Variants in MAD1L1 observed in about 807,000 individuals in gnomAD.
MAD1L1 encodes mitotic spindle assembly checkpoint protein MAD1.
MAD1L1 carries 95 observed loss-of-function variants against 96.9 expected under a neutral mutation model. That is an observed-to-expected ratio of 0.98 (90% CI 0.83 to 1.16). MAD1L1 has a LOEUF of 1.16. MAD1L1 is among the 50% of genes most tolerant of loss of function. The pLI, the probability that MAD1L1 is intolerant of heterozygous loss-of-function variation, is 0.00. For synonymous variants in MAD1L1, 473 were observed against 396.6 expected, an observed-to-expected ratio of 1.19 and a Z score of -2.29; for missense variants, 1,007 against 954.4, an observed-to-expected ratio of 1.06 and a Z score of -0.73.
chr7:1,891,843 A>G (rs980225099), intron 18 of MAD1L1, among the ~76,000 whole-genome samples: 2 of 152,168 alleles, frequency 1.3e-5, no homozygotes, highest in Non-Finnish European at 2.9e-5. Flanking sequence ...AGCCTCCCCA[A>G]ATGTTAGGAT....
At position 1,870,411 on chromosome 7, in the gene MAD1L1, G is replaced by A. The variant is rs527983065; in HGVS notation, c.1998+27789C>T. Among the ~76,000 whole-genome samples, 37 of 140,536 alleles carry A rather than the reference G, an allele frequency of 2.6e-4. 1 individual carries two copies. The highest frequency in any genetic ancestry group is 7.5e-3 in the Middle Eastern group (2 of 266). The allele number at this position is 140,536 out of a possible 152,430, so 92.2% of individuals were successfully genotyped here. A position where few individuals can be genotyped will look rare whatever the true frequency, so the allele number is the denominator to read the frequency against. On this transcript the variant is annotated intron_variant, in intron 18 of 18. Transcript: ENST00000265854. ...AACCCACCATAACACCTGCCACGCT[G>A]AACCCAACATACTCCTGCCACGCTG...
chr7:1,871,651 C>T (rs1367218961), intron 18 of MAD1L1, among the ~76,000 whole-genome samples: 1 of 151,208 alleles, frequency 6.6e-6, no homozygotes, highest in Non-Finnish European at 1.5e-5. Flanking sequence ...ATACGCCTGC[C>T]ATGCTGAACC....
At chr7:2,061,603 C>G (rs544249885) in intron 12 of MAD1L1, among the ~76,000 whole-genome samples, 16 of 152,342 alleles carry the variant, frequency 1.1e-4, no homozygotes, top group African/African-American at 3.4e-4. Flanking sequence ...CCACCTGGCA[C>G]AGTAACTCTG....
Position 2,114,673 on chromosome 7 carries a change from GT to G in MAD1L1, c.1073+34478del, listed in dbSNP as rs1251876225. On this transcript the variant is annotated intron_variant, in intron 11 of 18. Transcript: ENST00000265854. This position sits in a 1 kb window ranked among gnomAD's most constrained non-coding sequence, Gnocchi z 4.2. ...CAGCCTGTTTTTGTAAACAACTTTTGTTTTTTTAACAAAGTTTTGATGGAGC... is the reference window on the plus strand; with the variant it reads ...CAGCCTGTTTTTGTAAACAACTTTTGTTTTTTAACAAAGTTTTGATGGAGC... Among the ~76,000 whole-genome samples the G allele has an allele frequency of 6.6e-6, 1 of 152,138 alleles. No homozygotes were observed. The highest frequency in any genetic ancestry group is 2.4e-5 in the African/African-American group (1 of 41,428).
At chr7:1,831,994 T>C (rs1169355567) in intron 18 of MAD1L1, among the ~76,000 whole-genome samples, 2 of 152,244 alleles carry the variant, frequency 1.3e-5, no homozygotes, top group African/African-American at 4.8e-5. Context: ...GGCCCCTAGA[T>C]CAAGGGACAA....
chr7:2,041,095 C>G (rs1783652823), intron 12 of MAD1L1, among the ~76,000 whole-genome samples: 1 of 152,184 alleles, frequency 6.6e-6, no homozygotes, highest in Non-Finnish European at 1.5e-5. Flanking sequence ...GAAGCCTGAG[C>G]TACAGCACCC....
chr7:2,067,536 C>G (rs1584242195), intron 12 of MAD1L1, among the ~76,000 whole-genome samples: 1 of 152,318 alleles, frequency 6.6e-6, no homozygotes, highest in East Asian at 1.9e-4. Context: ...CCCTCTGCTT[C>G]CCGGGCCTCT....
chr7:2,017,600 G>A (rs1304873879), intron 12 of MAD1L1, among the ~76,000 whole-genome samples: 1 of 152,220 alleles, frequency 6.6e-6, no homozygotes, highest in African/African-American at 2.4e-5. Context: ...GGCGCCCTGG[G>A]AGGCAGCGGT....
At chr7:2,025,873 C>T (rs1782974876) in intron 12 of MAD1L1, among the ~76,000 whole-genome samples, 1 of 152,058 alleles carries the variant, frequency 6.6e-6, no homozygotes, top group South Asian at 2.1e-4. Flanking sequence ...CATAAAAGCA[C>T]ACATAACAAG....
At chr7:2,041,764 G>A (rs1256393415) in intron 12 of MAD1L1, among the ~76,000 whole-genome samples, 1 of 152,178 alleles carries the variant, frequency 6.6e-6, no homozygotes, top group Admixed American at 6.5e-5. Flanking sequence ...CCCGAGAGGA[G>A]TAGAAAACTC....
At chr7:2,195,948 G>A (rs1432627179) in intron 10 of MAD1L1, among the ~76,000 whole-genome samples, 1 of 152,264 alleles carries the variant, frequency 6.6e-6, no homozygotes, top group Admixed American at 6.5e-5. Context: ...CAGGCTAAAT[G>A]GATGGCAGCT....
chr7:2,057,253 C>T (rs532157534), intron 12 of MAD1L1, among the ~76,000 whole-genome samples: 4 of 152,318 alleles, frequency 2.6e-5, no homozygotes, highest in South Asian at 4.1e-4. Context: ...TGACCGAGCG[C>T]GGTGCCTCAT....
At chr7:2,081,939 C>T (rs1008889938) in intron 11 of MAD1L1, among the ~76,000 whole-genome samples, 5 of 152,216 alleles carry the variant, frequency 3.3e-5, no homozygotes, top group Non-Finnish European at 7.3e-5. Context: ...GGAGCAATAA[C>T]AGCAAGGTAG....
chr7:1,816,156 C>A lies in MAD1L1; in HGVS notation c.2071G>T (p.Glu691Ter). ...EFSHTVGELIEVHLRRQDSIP... is the reference protein window; with the variant it reads ...EFSHTVGELI ...CTGTCCTGGCGCCGCAGGTGCACCT[C>A]GATGAGCTCGCCCACGGTGTGTGAG... Residue 691 changes from glutamate (E) to a stop codon, truncating the protein, a stop_gained, in exon 19 of 19, where the codon GAG becomes TAG. Transcript: ENST00000265854. LOFTEE classifies it high-confidence loss of function. The A allele has an allele frequency of 6.2e-7, 1 of 1,613,314 alleles. No individual in the cohort carries two copies. Among genetic ancestry groups the A allele is most frequent in the East Asian group, 2.2e-5 (1 of 44,848 alleles).
At chr7:2,156,714 A>C (rs7788620) in intron 10 of MAD1L1, among the ~76,000 whole-genome samples, 1 of 151,386 alleles carries the variant, frequency 6.6e-6, no homozygotes, top group African/African-American at 2.4e-5. Flanking sequence ...CCACCTACTC[A>C]GGAGGCTGAG....
At chr7:2,063,080 C>T (rs1784732230) in intron 12 of MAD1L1, among the ~76,000 whole-genome samples, 1 of 152,214 alleles carries the variant, frequency 6.6e-6, no homozygotes, top group South Asian at 2.1e-4. Flanking sequence ...GAGCACGGCT[C>T]CGTCTGACAG....
intron 12 of MAD1L1, among the ~76,000 whole-genome samples, chr7:2,026,293 TA>T (rs1782992340): frequency 6.6e-6 from 1 of 152,062 alleles, no homozygotes. Flanking sequence ...ATGTGCCTAA[TA>T]AAACAGCATC....
At chr7:2,019,721 C>A (rs771808410) in intron 12 of MAD1L1, among the ~76,000 whole-genome samples, 87 of 152,004 alleles carry the variant, frequency 5.7e-4, no homozygotes, top group African/African-American at 2.0e-3. Context: ...CGCCTCACCA[C>A]CCCCAACGCA....
chr7:1,826,811 C>T (rs961561267), intron 18 of MAD1L1, among the ~76,000 whole-genome samples: 3 of 152,188 alleles, frequency 2.0e-5, no homozygotes, highest in African/African-American at 4.8e-5. Context: ...CTAATTGTAC[C>T]GAGGAAAGCA....
Sources: gnomAD v4.1 joint callset for allele counts (sites outside exome capture counted in the v4.1 genomes callset) on GRCh38, gnomAD v4.1.1 for gene constraint, Gnocchi (gnomAD v3.1) non-coding constraint, MANE v1.5 for transcripts, NCBI Gene and HGNC (gene_info 2026-07-23, HGNC 2026-07-21) for gene names.